STAG1: variants seen among roughly 807,000 people sequenced by gnomAD.
The protein encoded by STAG1 is cohesin subunit SA-1.
In STAG1, 26 loss-of-function variants were observed where a neutral mutation model predicts 170.9. The observed-to-expected ratio is 0.15, with a 90% CI of 0.11 to 0.21. The LOEUF is 0.21. Among genes scored for constraint, STAG1 ranks in the 10% least tolerant of loss-of-function variants. STAG1 has a pLI of 1.00. For synonymous variants in STAG1, 514 were observed against 497.7 expected (o/e 1.03, Z -0.44); for missense variants, 964 against 1,509.5 (o/e 0.64, Z 5.99).
chr3:136,611,312 G>A (rs1939264761), intron 3 of STAG1, among the ~76,000 whole-genome samples: 1 of 151,860 alleles, frequency 6.6e-6, no homozygotes, highest in South Asian at 2.1e-4. Context: ...ACCATGCCCG[G>A]CTAATTTTGT....
intron 4 of STAG1, among the ~76,000 whole-genome samples, chr3:136,573,309 T>C (rs1378830832): frequency 6.6e-6 from 1 of 152,040 alleles, no homozygotes; most frequent in Non-Finnish European, 1.5e-5. Context: ...GGGTGGATAA[T>C]GCAGCCTGTC....
chr3:136,338,211 CTCTAAA>C lies in STAG1; in HGVS notation c.*37_*42del, dbSNP rs1180758365. The C allele has an allele frequency of 2.8e-6, 4 of 1,435,280 alleles. No homozygotes were observed. The highest frequency in any genetic ancestry group is 3.9e-6 in the Non-Finnish European group (4 of 1,021,682). 88.9% of individuals were successfully genotyped at this position (1,435,280 alleles called of 1,614,324 possible). ...GCTATCACAGTATATAGGCCTCTAG[CTCTAAA>C]TAATAGAGTTCCAGATTTGTAAATT... On this transcript the variant is annotated 3_prime_UTR_variant, in exon 34 of 34. Transcript: ENST00000383202.
intron 1 of STAG1, among the ~76,000 whole-genome samples, chr3:136,644,862 AG>A (rs1576708107): frequency 6.6e-6 from 1 of 152,122 alleles, no homozygotes; most frequent in African/African-American, 2.4e-5. Flanking sequence ...CTGGGACTAT[AG>A]GCACCTGCCA....
chr3:136,462,434 G>C (rs992276554), intron 13 of STAG1, among the ~76,000 whole-genome samples: 2 of 152,088 alleles, frequency 1.3e-5, no homozygotes, highest in Non-Finnish European at 2.9e-5. Flanking sequence ...ATTAAGCCAA[G>C]CACAGAAGGA....
At chr3:136,701,906 G>C in intron 1 of STAG1, among the ~76,000 whole-genome samples, 1 of 151,898 alleles carries the variant, frequency 6.6e-6, no homozygotes, top group South Asian at 2.1e-4. Flanking sequence ...GAGTTTTACT[G>C]TGCAAGATAA....
intron 7 of STAG1, among the ~76,000 whole-genome samples, chr3:136,519,608 GAAGT>G (rs2107902157): frequency 6.6e-6 from 1 of 150,678 alleles, no homozygotes; most frequent in Admixed American, 6.6e-5. Context: ...TACACAGAAA[GAAGT>G]AAGACGAAAA....
intron 9 of STAG1, among the ~76,000 whole-genome samples, chr3:136,499,211 G>C (rs889983068): frequency 1.3e-5 from 2 of 152,022 alleles, no homozygotes; most frequent in African/African-American, 4.8e-5. Flanking sequence ...TTTTAGACAG[G>C]GTCTTGTTCT....
At chr3:136,473,802 G>GT (rs1305769343) in intron 10 of STAG1, among the ~76,000 whole-genome samples, 165 bp from the exon 11 acceptor site, 1 of 145,808 alleles carries the variant, frequency 6.9e-6, no homozygotes, top group Admixed American at 6.9e-5. Context: ...GCCCTTATAT[G>GT]TAAAAAAAAA....
At chr3:136,528,721 G>A (rs186391083) in intron 6 of STAG1, among the ~76,000 whole-genome samples, 3 of 152,160 alleles carry the variant, frequency 2.0e-5, no homozygotes, top group South Asian at 4.2e-4. Flanking sequence ...AGGCTGAGGT[G>A]AGTGGATTCC....
intron 6 of STAG1, among the ~76,000 whole-genome samples, chr3:136,531,526 A>G (rs1197380143): frequency 2.7e-5 from 4 of 150,698 alleles, no homozygotes; most frequent in African/African-American, 9.8e-5. Flanking sequence ...TCCAACGATG[A>G]TAGACTGGAT....
intron 16 of STAG1, among the ~76,000 whole-genome samples, chr3:136,432,619 G>A (rs1312923735): frequency 1.3e-5 from 2 of 151,548 alleles, no homozygotes; most frequent in Non-Finnish European, 2.9e-5. Flanking sequence ...TGATTCTCCT[G>A]CTTCAGCCTC....
intron 6 of STAG1, among the ~76,000 whole-genome samples, chr3:136,521,899 C>G (rs762485659): frequency 6.6e-6 from 1 of 152,150 alleles, no homozygotes. Context: ...AATAATCTTA[C>G]ACATCCTAAA....
intron 1 of STAG1, among the ~76,000 whole-genome samples, chr3:136,705,375 TCAAA>T (rs1943198997): frequency 9.7e-6 from 1 of 102,630 alleles, no homozygotes; most frequent in Non-Finnish European, 1.8e-5. Context: ...CACATGATCA[TCAAA>T]CACACACACA....
chr3:136,489,799 C>A (rs965289957), intron 9 of STAG1, among the ~76,000 whole-genome samples: 2 of 152,034 alleles, frequency 1.3e-5, no homozygotes, highest in African/African-American at 4.8e-5. Context: ...CCCTAACTTA[C>A]AATAAGATGA....
intron 1 of STAG1, among the ~76,000 whole-genome samples, chr3:136,684,738 T>C (rs1430144266): frequency 1.4e-5 from 2 of 143,194 alleles, no homozygotes; most frequent in Admixed American, 7.2e-5. Flanking sequence ...ATCACGACAC[T>C]GTACTCCAGA....
chr3:136,624,444 G>C (rs1292373391), intron 2 of STAG1, among the ~76,000 whole-genome samples: 4 of 152,136 alleles, frequency 2.6e-5, no homozygotes, highest in Admixed American at 2.6e-4. Flanking sequence ...GAATGAATAG[G>C]AATTTTAACA....
chr3:136,528,211 T>G (rs1047249175), intron 6 of STAG1, among the ~76,000 whole-genome samples: 5 of 152,180 alleles, frequency 3.3e-5, no homozygotes, highest in Non-Finnish European at 7.3e-5. Context: ...CAGGCCTCCT[T>G]GAGCTGTGGT....
intron 1 of STAG1, among the ~76,000 whole-genome samples, chr3:136,695,565 C>G (rs1433549027): frequency 4.0e-5 from 6 of 151,250 alleles, no homozygotes; most frequent in Admixed American, 1.3e-4. Flanking sequence ...ATCTAGGTGA[C>G]TTGGTTTAAC....
chr3:136,343,026 G>A (rs899606319), intron 30 of STAG1, among the ~76,000 whole-genome samples: 4 of 152,242 alleles, frequency 2.6e-5, no homozygotes, highest in Admixed American at 2.6e-4. Flanking sequence ...TAGAGCAAAG[G>A]GATCATGAAA....
Sources: gnomAD v4.1 joint callset for allele counts (sites outside exome capture counted in the v4.1 genomes callset) on GRCh38, gnomAD v4.1.1 for gene constraint, MANE v1.5 for transcripts, NCBI Gene and HGNC (gene_info 2026-07-23, HGNC 2026-07-21) for gene names.